The following PHLPP1 variants were observed in gnomAD, a reference collection of about 807,000 sequenced individuals.
PHLPP1 encodes PH domain and leucine rich repeat protein phosphatase 1.
In PHLPP1, 42 loss-of-function variants were observed where a neutral mutation model predicts 117.2. That is an observed-to-expected ratio of 0.36 (90% CI 0.28 to 0.46). The LOEUF is 0.46. PHLPP1 is among the 20% of genes least tolerant of loss of function. PHLPP1 has a pLI of 1.00. For synonymous variants in PHLPP1, 1,042 were observed against 970.7 expected (o/e 1.07, Z -1.37); for missense variants, 2,084 against 2,241.9 (o/e 0.93, Z 1.42).
chr18:62,916,527 G>A (rs1909280382), intron 9 of PHLPP1, among the ~76,000 whole-genome samples: 1 of 151,588 alleles, frequency 6.6e-6, no homozygotes, highest in South Asian at 2.1e-4. Flanking sequence ...CCATTTGAAA[G>A]TGCTTTCTGC....
chr18:62,936,980 T>C (rs1023394892), intron 10 of PHLPP1, among the ~76,000 whole-genome samples: 1 of 152,202 alleles, frequency 6.6e-6, no homozygotes, highest in Non-Finnish European at 1.5e-5. Flanking sequence ...TTTGCTGGGG[T>C]TAGACAGTTG....
At chr18:62,853,092 C>T (rs1193134761) in intron 3 of PHLPP1, among the ~76,000 whole-genome samples, 2 of 152,058 alleles carry the variant, frequency 1.3e-5, no homozygotes, top group Non-Finnish European at 2.9e-5. Context: ...GTGTGGCCAC[C>T]CATTGAGTCA....
At chr18:62,797,088 T>C (rs1009494920) in intron 1 of PHLPP1, among the ~76,000 whole-genome samples, 1 of 152,202 alleles carries the variant, frequency 6.6e-6, no homozygotes, top group African/African-American at 2.4e-5. Flanking sequence ...TAAATCTTAT[T>C]TCATATAAAT....
At chr18:62,914,789 C>T (rs541966760) in intron 8 of PHLPP1, 124 bp from the exon 9 acceptor site, 62 of 648,418 alleles carry the variant, frequency 9.6e-5, no homozygotes, top group Middle Eastern at 5.6e-4. Flanking sequence ...CACATTCTTT[C>T]GATTTATGCC....
At chr18:62,841,774 A>G (rs1011996213) in intron 3 of PHLPP1, among the ~76,000 whole-genome samples, 14 of 152,234 alleles carry the variant, frequency 9.2e-5, no homozygotes, top group African/African-American at 3.4e-4. Flanking sequence ...TATACTTACA[A>G]TAAGTGGAGC....
chr18:62,766,329 G>A (rs1231547081), intron 1 of PHLPP1, among the ~76,000 whole-genome samples: 2 of 151,196 alleles, frequency 1.3e-5, no homozygotes, highest in Non-Finnish European at 2.9e-5. Flanking sequence ...TATGGGATGG[G>A]CATTCACTGG....
rs891556578 is a variant in PHLPP1 at position 62,895,165 on chromosome 18, C to T, written c.2213+8C>T. ...CGTTGGAGTGATGCACAAGTGTGTA[C>T]TTCAAACCCCACTGGCGGGTATATC... On this transcript the variant is annotated splice_region_variant and intron_variant, in intron 5 of 16. Transcript: ENST00000262719. 8.7e-6 allele frequency: 14 copies of T among 1,612,284 alleles called. No homozygotes were observed. The highest frequency in any genetic ancestry group is 1.2e-5 in the Non-Finnish European group (14 of 1,178,968).
rs2122036479 is a variant in PHLPP1, at chr18:62,715,792, G to C, written c.109G>C (p.Ala37Pro). ...AAAAAAAAAAAAAALAAAAGG... is the reference protein window; with the variant it reads ...AAAAAAAAAAPAAALAAAAGG... ...TGCGGCAGCAGCAGCAGCAGCGGCGGCCGCGGCGGCTCTGGCGGCGGCGGC... is the reference window on the plus strand; with the variant it reads ...TGCGGCAGCAGCAGCAGCAGCGGCGCCCGCGGCGGCTCTGGCGGCGGCGGC... Residue 37 changes from alanine (A) to proline (P), a missense_variant, in exon 1 of 17, where the codon GCC becomes CCC. By Grantham distance (27) the Ala-to-Pro change is conservative (BLOSUM62 -1). Coordinates refer to ENST00000262719, the MANE Select transcript of PHLPP1 (RefSeq NM_194449.4). The C allele has an allele frequency of 1.3e-6, 1 of 771,708 alleles. No individual in the cohort carries two copies. Among genetic ancestry groups the C allele is most frequent in the Non-Finnish European group, 1.6e-6 (1 of 632,350 alleles). The allele number at this position is 771,708 out of a possible 1,614,324, so 47.8% of individuals were successfully genotyped here.
chr18:62,766,104 A>ATATATATATATTATATATATATATAT (rs1289379653), intron 1 of PHLPP1, among the ~76,000 whole-genome samples: 6 of 40,986 alleles, frequency 1.5e-4, no homozygotes, highest in South Asian at 8.9e-4. Context: ...TATATATATA[A>ATATATATATATTATATATATATATAT]AATATATATA....
intron 1 of PHLPP1, among the ~76,000 whole-genome samples, chr18:62,798,364 A>T (rs531960837): frequency 1.3e-5 from 2 of 152,260 alleles, no homozygotes; most frequent in South Asian, 2.1e-4. Flanking sequence ...CCTATCTTGC[A>T]TCTTTCTTAA....
rs979125272 is a variant in PHLPP1 at position 62,727,851 on chromosome 18, T to G, written c.1576+10592T>G. Among the ~76,000 whole-genome samples, 4 of 152,246 alleles carry G rather than the reference T, an allele frequency of 2.6e-5. No homozygotes were observed. The East Asian group carries it at 7.7e-4, about 29-fold the overall frequency. ...TCGTCACTTTTAGGATGGCAGCTTA[T>G]GTGCTTCTGGATATGGACTTATCAG... On this transcript the variant is annotated intron_variant, in intron 1 of 16. Transcript: ENST00000262719.
intron 1 of PHLPP1, among the ~76,000 whole-genome samples, chr18:62,826,757 C>T (rs1413630033): frequency 6.6e-6 from 1 of 152,092 alleles, no homozygotes; most frequent in Non-Finnish European, 1.5e-5. Flanking sequence ...AATCCCAGCA[C>T]TTTGGGAGGC....
intron 11 of PHLPP1, 101 bp downstream of exon 11, chr18:62,942,019 T>C: frequency 1.1e-6 from 1 of 904,416 alleles, no homozygotes; most frequent in South Asian, 1.7e-5. Context: ...GATGTCAAGT[T>C]TGTTTGCTTG....
intron 10 of PHLPP1, among the ~76,000 whole-genome samples, chr18:62,933,282 C>CT (rs1442144551): frequency 6.6e-6 from 1 of 152,036 alleles, no homozygotes; most frequent in African/African-American, 2.4e-5. Context: ...TGTGGAAACA[C>CT]AAAAGAGCCA....
At chr18:62,745,055 G>A (rs1049804492) in intron 1 of PHLPP1, among the ~76,000 whole-genome samples, 3 of 152,142 alleles carry the variant, frequency 2.0e-5, no homozygotes, top group African/African-American at 7.2e-5. Flanking sequence ...TTAAAACCTG[G>A]CATTTGGATA....
At position 62,715,760 on chromosome 18, in the gene PHLPP1, C is replaced by CTCTGG. The variant is rs2122036225; in HGVS notation, c.77_78insTCTGG (p.Ala27LeufsTer31). ...GAGGACCGAGCTTCGGCTCCGGCGG[C>CTCTGG]CGCCGCTGCGGCAGCAGCAGCAGCA... On this transcript the variant is annotated frameshift_variant, in exon 1 of 17. Coordinates refer to ENST00000262719, the MANE Select transcript of PHLPP1 (RefSeq NM_194449.4). LOFTEE classifies it high-confidence loss of function. The CTCTGG allele has an allele frequency of 7.0e-5, 77 of 1,095,398 alleles. No homozygotes were observed. Among genetic ancestry groups the CTCTGG allele is most frequent in the East Asian group, 2.1e-4 (5 of 23,724 alleles). The allele number at this position is 1,095,398 out of a possible 1,614,324, so 67.9% of individuals were successfully genotyped here.
chr18:62,951,378 A>C (rs1053405410), intron 12 of PHLPP1, among the ~76,000 whole-genome samples: 4 of 152,206 alleles, frequency 2.6e-5, no homozygotes, highest in African/African-American at 9.7e-5. Context: ...TATTGCATAC[A>C]TTTTATGGAA....
At chr18:62,926,116 A>T (rs1014446332) in intron 10 of PHLPP1, among the ~76,000 whole-genome samples, 1 of 152,232 alleles carries the variant, frequency 6.6e-6, no homozygotes, top group Non-Finnish European at 1.5e-5. Flanking sequence ...GGGTTATTAC[A>T]TCAAAATCAA....
chr18:62,915,516 C>T (rs572093086), intron 9 of PHLPP1, among the ~76,000 whole-genome samples: 7 of 152,122 alleles, frequency 4.6e-5, no homozygotes, highest in Admixed American at 1.3e-4. Context: ...ACTTCTCTTT[C>T]CTTCTCTCTC....
Sources: allele counts gnomAD v4.1 joint callset (sites outside exome capture counted in the v4.1 genomes callset), GRCh38; gene constraint gnomAD v4.1.1; transcripts MANE v1.5; gene names NCBI Gene and HGNC (gene_info 2026-07-23, HGNC 2026-07-21).